NDEL1: variants seen among roughly 807,000 people sequenced by gnomAD.
NDEL1 encodes the protein nuclear distribution protein nudE-like 1.
A neutral mutation model predicts 45.7 loss-of-function variants in NDEL1; 9 were observed. The observed-to-expected ratio is 0.20, with a 90% CI of 0.12 to 0.34. The LOEUF (loss-of-function observed/expected upper bound fraction) is 0.34, where lower values mean the gene tolerates loss of function less well. NDEL1 is among the 10% of genes least tolerant of loss of function. NDEL1 has a pLI of 1.00. For missense variants in NDEL1, 306 were observed against 406.2 expected (o/e 0.75, Z 2.12); for synonymous variants, 133 against 158.6 (o/e 0.84, Z 1.21).
chr17:8,442,993 A>T (rs542978614), intron 1 of NDEL1, among the ~76,000 whole-genome samples: 40 of 151,334 alleles, frequency 2.6e-4, no homozygotes, highest in Non-Finnish European at 4.3e-4. Context: ...GTTAGCCAGG[A>T]TGGTCTCAAT....
intron 1 of NDEL1, among the ~76,000 whole-genome samples, chr17:8,438,318 C>G (rs746739608): frequency 3.9e-5 from 6 of 152,122 alleles, no homozygotes; most frequent in Non-Finnish European, 8.8e-5. Context: ...ACCATTAGAG[C>G]ATTGTTTTAG....
At chr17:8,437,948 C>A (rs944923441) in intron 1 of NDEL1, among the ~76,000 whole-genome samples, 14 of 118,790 alleles carry the variant, frequency 1.2e-4, no homozygotes, top group African/African-American at 4.5e-4. Flanking sequence ...GGGGTGGGGG[C>A]GGGCAGAGAA....
upstream of NDEL1, among the ~76,000 whole-genome samples, chr17:8,434,165 T>C (rs1176973983): frequency 3.3e-5 from 5 of 152,222 alleles, no homozygotes; most frequent in Non-Finnish European, 5.9e-5. Flanking sequence ...GTGCCTGTAA[T>C]CCCAGGACTT....
At chr17:8,423,334 T>G (rs1053495024) in intron 1 of NDEL1, among the ~76,000 whole-genome samples, 1 of 152,020 alleles carries the variant, frequency 6.6e-6, no homozygotes, top group African/African-American at 2.4e-5. Flanking sequence ...AGGTATGAAA[T>G]TGAAAAGATT....
chr17:8,447,982 C>CGGGTGGGGGGGGGGGGGGG (rs1910197916), intron 4 of NDEL1, among the ~76,000 whole-genome samples: 1 of 107,714 alleles, frequency 9.3e-6, no homozygotes, highest in Non-Finnish European at 1.9e-5. Flanking sequence ...GGGAGGTGGG[C>CGGGTGGGGGGGGGGGGGGG]GGGGGGGGGG....
Position 8,457,867 on chromosome 17 carries a change from G to GT in NDEL1, c.793-2139dup, listed in dbSNP as rs1305523575. The stretch of plus-strand genomic sequence containing the variant: ...ATATGCGTTAATATTTATGTATAAT[G>GT]TTTATGTATTACACATTATATGTTA... On this transcript the variant is annotated intron_variant, in intron 7 of 8. Coordinates refer to ENST00000334527, the MANE Select transcript of NDEL1 (RefSeq NM_030808.5). Among the ~76,000 whole-genome samples the GT allele has an allele frequency of 4.6e-5, 7 of 152,104 alleles. No homozygotes were observed. In the South Asian group the frequency reaches 1.5e-3, roughly 32 times the overall value.
Position 8,467,117 on chromosome 17 carries a change from C to T in NDEL1, c.*94C>T. ...GGTGCCTGGGCCCAGCCCCGTGCCC[C>T]TCCGTCTGCCTCCGCACGGCTGGCA... On this transcript the variant is annotated 3_prime_UTR_variant, in exon 9 of 9. Transcript: ENST00000334527. This position sits in a 1 kb window ranked among gnomAD's most constrained non-coding sequence, Gnocchi z 6.3. The T allele has an allele frequency of 8.3e-7, 1 of 1,204,044 alleles. No homozygotes were observed. The highest frequency in any genetic ancestry group is 1.2e-6 in the Non-Finnish European group (1 of 833,206). The allele number at this position is 1,204,044 out of a possible 1,614,324, so 74.6% of individuals were successfully genotyped here. A position where few individuals can be genotyped will look rare whatever the true frequency, so the allele number is the denominator to read the frequency against.
chr17:8,418,095 G>A (rs114967911), intron 1 of NDEL1, among the ~76,000 whole-genome samples: 80 of 152,300 alleles, frequency 5.3e-4, no homozygotes, highest in African/African-American at 1.9e-3. Context: ...TTAGTTTTCA[G>A]CCTTTTCTGA....
At chr17:8,424,603 G>T (rs756390356) in intron 1 of NDEL1, among the ~76,000 whole-genome samples, 3 of 152,202 alleles carry the variant, frequency 2.0e-5, no homozygotes, top group African/African-American at 7.2e-5. Flanking sequence ...CCGGGTTCAC[G>T]CCATTCTCCT....
intron 8 of NDEL1, chr17:8,463,481 C>A: frequency 1.3e-6 from 1 of 765,256 alleles, no homozygotes; most frequent in Non-Finnish European, 2.2e-6. Flanking sequence ...ACTTACAGCC[C>A]ATCAGTGAAC....
rs746175861 is a variant in NDEL1 at position 8,445,823 on chromosome 17, G to A, written c.199G>A (p.Ala67Thr). Residue 67 changes from alanine to threonine, a missense_variant, in exon 3 of 9, where the codon GCT becomes ACT. This residue lies in a region of NDEL1 where 112 missense variants were observed against 148.3 expected (regional missense o/e 0.76). Coordinates refer to ENST00000334527, the MANE Select transcript of NDEL1 (RefSeq NM_030808.5). ...QAEQRNRDLQ[A>T]DNQRLKYEVE... ...TGAACAAAGAAATAGAGACTTGCAG[G>A]CTGATAACCAAAGACTGAAATATGA... 2 of 1,566,526 alleles carry A rather than the reference G, an allele frequency of 1.3e-6. No homozygotes were observed. The highest frequency in any genetic ancestry group is 2.4e-5 in the East Asian group (1 of 41,236).
At chr17:8,460,484 T>A (rs1469006036) in intron 8 of NDEL1, among the ~76,000 whole-genome samples, 1 of 152,160 alleles carries the variant, frequency 6.6e-6, no homozygotes, top group Non-Finnish European at 1.5e-5. Flanking sequence ...TTGGAAATAT[T>A]TTTTTGGGGT....
chr17:8,438,157 C>T (rs1182238551), intron 1 of NDEL1, among the ~76,000 whole-genome samples: 1 of 152,116 alleles, frequency 6.6e-6, no homozygotes, highest in Non-Finnish European at 1.5e-5. Context: ...CAGGGTTTCA[C>T]CATGTTGGTC....
At chr17:8,413,465 G>A (rs373027687) in intron 1 of NDEL1, among the ~76,000 whole-genome samples, 4 of 152,180 alleles carry the variant, frequency 2.6e-5, no homozygotes, top group Non-Finnish European at 5.9e-5. Context: ...ATAAAGAGAC[G>A]GCTTTGGTGG....
At chr17:8,460,434 A>G (rs1911125454) in intron 8 of NDEL1, among the ~76,000 whole-genome samples, 2 of 152,178 alleles carry the variant, frequency 1.3e-5, no homozygotes, top group African/African-American at 4.8e-5. Context: ...AATGACTGCG[A>G]TAAGGTCCCT....
chr17:8,415,707 G>T (rs1253780711), intron 1 of NDEL1, among the ~76,000 whole-genome samples: 4 of 150,982 alleles, frequency 2.6e-5, no homozygotes, highest in Non-Finnish European at 5.9e-5. Context: ...ACAGGCGTGA[G>T]ACACCTATTT....
At chr17:8,471,913 A>G (rs1266044906), downstream of NDEL1, among the ~76,000 whole-genome samples, 1 of 152,172 alleles carries the variant, frequency 6.6e-6, no homozygotes, top group Non-Finnish European at 1.5e-5. Context: ...AAAGGTGGAA[A>G]GGGAGAGGTC....
At chr17:8,472,563 GC>G (rs1362443243), downstream of NDEL1, among the ~76,000 whole-genome samples, 1 of 152,158 alleles carries the variant, frequency 6.6e-6, no homozygotes, top group Non-Finnish European at 1.5e-5. Context: ...TACTCGGGGG[GC>G]TGAAGCAGAG....
At chr17:8,466,770 G>C in intron 8 of NDEL1, 160 bp from the exon 9 acceptor site, 1 of 654,960 alleles carries the variant, frequency 1.5e-6, no homozygotes, top group South Asian at 1.9e-5. Context: ...CTAACCAGCT[G>C]GTGCTTTCCA....
Sources: gnomAD v4.1 joint callset for allele counts (sites outside exome capture counted in the v4.1 genomes callset) on GRCh38, gnomAD v4.1.1 for gene constraint, gnomAD v4.1.1 regional missense constraint, Gnocchi (gnomAD v3.1) non-coding constraint, MANE v1.5 for transcripts, NCBI Gene and HGNC (gene_info 2026-07-23, HGNC 2026-07-21) for gene names.